Variants in ARNT observed in about 807,000 individuals in gnomAD.
The protein encoded by ARNT is class E basic helix-loop-helix protein 2.
Under a neutral mutation model 105.0 loss-of-function variants are expected in ARNT, and 30 were observed. The ratio of observed to expected loss-of-function variants is 0.29; its 90% confidence interval spans 0.21 to 0.39. The LOEUF (loss-of-function observed/expected upper bound fraction) is 0.39. ARNT is among the 10% of genes least tolerant of loss of function. The pLI is 1.00. For synonymous variants in ARNT, 304 were observed against 344.0 expected, an observed-to-expected ratio of 0.88 and a Z score of 1.29; for missense variants, 748 against 978.7, an observed-to-expected ratio of 0.76 and a Z score of 3.15.
At chr1:150,869,041 C>A (rs963164634) in intron 1 of ARNT, among the ~76,000 whole-genome samples, 2 of 151,704 alleles carry the variant, frequency 1.3e-5, no homozygotes, top group Non-Finnish European at 2.9e-5. Flanking sequence ...GAGTGAGAAT[C>A]GCTTGAGCCT....
chr1:150,827,984 A>G (rs894620337), intron 12 of ARNT, among the ~76,000 whole-genome samples: 20 of 152,160 alleles, frequency 1.3e-4, no homozygotes, highest in African/African-American at 4.6e-4. Flanking sequence ...GTCAAGTCTT[A>G]TGCTCTTTTT....
chr1:150,814,058 C>T lies in ARNT; in HGVS notation c.2113+19G>A, dbSNP rs1288214228. 5 of 1,612,936 alleles carry T rather than the reference C, an allele frequency of 3.1e-6. No individual in the cohort carries two copies. The East Asian group carries it at 6.7e-5, about 22-fold the overall frequency. On this transcript the variant is annotated intron_variant, in intron 20 of 21. Transcript: ENST00000358595. ...AGTGGTGCGATTTTCCTGTTACTCT[C>T]CTTATGGTCTGGACTCACCAAAGTT... is the stretch of plus-strand genomic sequence containing the variant.
Position 150,813,155 on chromosome 1 carries a change from T to C in ARNT, c.2280+17A>G. ...TCTCCCAGCTTCTAATTTTTGAAAG[T>C]CTTTTCACTCTCTTACCTGGAAGAC... On this transcript the variant is annotated intron_variant, in intron 21 of 21. Transcript: ENST00000358595. 6.2e-7 allele frequency: 1 copy of C among 1,607,754 alleles called. No individual in the cohort carries two copies. The highest frequency in any genetic ancestry group is 8.5e-7 in the Non-Finnish European group (1 of 1,176,672).
chr1:150,824,615 C>T (rs1657821264), intron 13 of ARNT, among the ~76,000 whole-genome samples: 1 of 151,668 alleles, frequency 6.6e-6, no homozygotes, highest in Non-Finnish European at 1.5e-5. Flanking sequence ...CCATCACGCC[C>T]AGCTAATTTT....
intron 1 of ARNT, among the ~76,000 whole-genome samples, chr1:150,867,016 G>A (rs888042462): frequency 4.6e-5 from 7 of 152,136 alleles, no homozygotes; most frequent in African/African-American, 1.7e-4. Context: ...GACCAGCCTG[G>A]CCAACATGGT....
intron 3 of ARNT, among the ~76,000 whole-genome samples, chr1:150,847,214 C>T (rs587736430): frequency 8.5e-5 from 13 of 152,132 alleles, no homozygotes; most frequent in African/African-American, 2.9e-4. Flanking sequence ...GGGCGGATCA[C>T]GAAGTCAAGA....
At chr1:150,829,264 C>G (rs774632636) in intron 11 of ARNT, 37 bp from the exon 12 acceptor site, 4 of 1,589,720 alleles carry the variant, frequency 2.5e-6, no homozygotes, top group Admixed American at 1.7e-5. Flanking sequence ...TAAAATGATA[C>G]CATTATTTAC....
At chr1:150,849,416 A>G (rs900486641) in intron 3 of ARNT, among the ~76,000 whole-genome samples, 7 of 152,204 alleles carry the variant, frequency 4.6e-5, no homozygotes, top group African/African-American at 1.7e-4. Context: ...TTCTTACTTG[A>G]AAAGAAGACA....
In ARNT at chr1:150,817,529, C is replaced by T. The variant is rs587661398; in HGVS notation, c.1506-96G>A. 1.1e-4 allele frequency: 133 copies of T among 1,205,068 alleles called. No individual in the cohort carries two copies. In the African/African-American group the frequency reaches 1.5e-3, roughly 14 times the overall value. 74.6% of individuals were successfully genotyped at this position (1,205,068 alleles called of 1,614,324 possible). On this transcript the variant is annotated intron_variant, in intron 15 of 21. Transcript: ENST00000358595. ...GAACCTTAAAACAAATTAAACAGGC[C>T]GGGCATGGTGGCTCATGCCTGTAAT...
chr1:150,825,562 C>T (rs144099505), intron 13 of ARNT, among the ~76,000 whole-genome samples: 2 of 152,164 alleles, frequency 1.3e-5, no homozygotes, highest in Non-Finnish European at 2.9e-5. Flanking sequence ...CATAAAAGAA[C>T]AGTCTAGGCT....
chr1:150,828,325 C>T (rs1317736245), intron 12 of ARNT, among the ~76,000 whole-genome samples: 3 of 135,556 alleles, frequency 2.2e-5, no homozygotes, highest in African/African-American at 8.1e-5. Context: ...TATGTGTTTT[C>T]ATTTTTGGGT....
At position 150,816,297 on chromosome 1, in the gene ARNT, T is replaced by C. The variant is rs752088370; in HGVS notation, c.1912A>G (p.Thr638Ala). The change falls in exon 19 of 22, where the codon ACT (threonine) becomes GCT (alanine). Residue 638 changes from threonine to alanine, a missense_variant. By Grantham distance (58) the Thr-to-Ala change is moderately conservative. Around this residue, in one of 4 missense-constraint regions of ARNT, gnomAD observed 360 missense variants for 411.9 expected, o/e 0.87. Transcript: ENST00000358595. Reference sequence around the variant, plus strand: ...CCTGAGCGGGTAGTAGGGGTCCAAGTTGGGGTTGCTCCTTGGGTGGGGTTG... The same window carrying C: ...CCTGAGCGGGTAGTAGGGGTCCAAGCTGGGGTTGCTCCTTGGGTGGGGTTG... ...HSNPTQGATP[T>A]WTPTTRSGFS... is the part of the protein sequence containing the mutation. The C allele has an allele frequency of 3.1e-6, 5 of 1,607,288 alleles. No homozygotes were observed. The Admixed American group carries it at 5.2e-5, about 17-fold the overall frequency.
intron 1 of ARNT, among the ~76,000 whole-genome samples, chr1:150,873,324 A>G (rs1052945380): frequency 6.6e-6 from 1 of 151,778 alleles, no homozygotes; most frequent in African/African-American, 2.4e-5. Flanking sequence ...AACAAAACAA[A>G]ACTTGTCTAG....
chr1:150,850,283 CCCACGGTCTCCCTCTCCCTCTCTTT>C (rs1387397082), intron 3 of ARNT, among the ~76,000 whole-genome samples: 4 of 152,070 alleles, frequency 2.6e-5, no homozygotes, highest in East Asian at 1.9e-4. Context: ...TCTCCCTCTC[CCCACGGTCTCCCTCTCCCTCTCTTT>C]CCACGGTCTC....
At chr1:150,818,259 C>T in intron 14 of ARNT, 1 of 432,150 alleles carries the variant, frequency 2.3e-6, no homozygotes, top group Non-Finnish European at 4.1e-6. Context: ...TGGGTTCTAA[C>T]TCCTTCTAGG....
intron 10 of ARNT, among the ~76,000 whole-genome samples, chr1:150,830,649 C>T (rs587767073): frequency 6.6e-6 from 1 of 152,186 alleles, no homozygotes; most frequent in South Asian, 2.1e-4. Context: ...TTATGCTTTG[C>T]CTAATCTGTA....
intron 1 of ARNT, among the ~76,000 whole-genome samples, chr1:150,868,918 A>T (rs587715816): frequency 3.7e-4 from 54 of 146,674 alleles, no homozygotes; most frequent in South Asian, 3.0e-3. Context: ...AATAAAATTT[A>T]AAAAAAAAAG....
chr1:150,864,781 TAAATA>T (rs1172637119), intron 1 of ARNT, among the ~76,000 whole-genome samples: 1 of 124,444 alleles, frequency 8.0e-6, no homozygotes, highest in Non-Finnish European at 1.7e-5. Flanking sequence ...AATAAATAAA[TAAATA>T]AATAAATAAA....
chr1:150,839,732 C>G (rs928077535), intron 5 of ARNT, 78 bp from the exon 6 acceptor site: 41 of 1,387,158 alleles, frequency 3.0e-5, no homozygotes, highest in Non-Finnish European at 3.9e-5. Context: ...ATATGGATAC[C>G]AAGTGTGCTG....
Sources: allele counts gnomAD v4.1 joint callset (sites outside exome capture counted in the v4.1 genomes callset), GRCh38; gene constraint gnomAD v4.1.1; regional missense constraint gnomAD v4.1.1; transcripts MANE v1.5; gene names NCBI Gene and HGNC (gene_info 2026-07-23, HGNC 2026-07-21).